Variants in FGGY observed in about 807,000 individuals in gnomAD.
FGGY encodes the protein FGGY carbohydrate kinase domain containing, also known as FGGY carbohydrate kinase domain-containing protein.
A neutral mutation model predicts 71.3 loss-of-function variants in FGGY; 72 were observed. That is an observed-to-expected ratio of 1.01 (90% confidence interval 0.84 to 1.23). The LOEUF is 1.23. FGGY is among the 50% of genes most tolerant of loss of function. FGGY has a pLI of 0.00. For missense variants in FGGY, 668 were observed against 682.3 expected, an observed-to-expected ratio of 0.98 and a Z score of 0.23; for synonymous variants, 251 against 250.3, an observed-to-expected ratio of 1.00 and a Z score of -0.02.
At chr1:59,706,011 A>G (rs375183918) in intron 14 of FGGY, among the ~76,000 whole-genome samples, 4 of 152,196 alleles carry the variant, frequency 2.6e-5, no homozygotes, top group African/African-American at 7.2e-5. Flanking sequence ...CCATTGCTCA[A>G]TGCTGGAAAA....
chr1:59,601,613 T>C (rs1471848565), intron 8 of FGGY, among the ~76,000 whole-genome samples: 1 of 152,120 alleles, frequency 6.6e-6, no homozygotes, highest in African/African-American at 2.4e-5. Flanking sequence ...TAACTCTAAG[T>C]CTGAATGCAA....
intron 5 of FGGY, among the ~76,000 whole-genome samples, chr1:59,445,393 T>C (rs1466734222): frequency 6.6e-6 from 1 of 152,210 alleles, no homozygotes; most frequent in Admixed American, 6.5e-5. Context: ...AGCCTAATCA[T>C]CCTCTTGACA....
chr1:59,628,115 A>T (rs2096876517), intron 10 of FGGY, among the ~76,000 whole-genome samples: 1 of 152,220 alleles, frequency 6.6e-6, no homozygotes, highest in Non-Finnish European at 1.5e-5. Flanking sequence ...GGATTTCAGT[A>T]CAAGATACTG....
At chr1:59,427,869 T>C (rs2066664520) in intron 5 of FGGY, among the ~76,000 whole-genome samples, 2 of 152,128 alleles carry the variant, frequency 1.3e-5, no homozygotes, top group South Asian at 4.1e-4. Flanking sequence ...ATAGGGGACC[T>C]TTAGCCAGTC....
At position 59,584,493 on chromosome 1, in the gene FGGY, T is replaced by TAA. The variant is rs1262086079; in HGVS notation, c.904-23308_904-23307dup. Reference sequence around the variant, plus strand: ...AACGCTTCATGCTAAAAACTCTCAATAAATTAGGTATTGATGGGACGTATC... The same window carrying TAA: ...AACGCTTCATGCTAAAAACTCTCAATAAAAATTAGGTATTGATGGGACGTATC... On this transcript the variant is annotated intron_variant, in intron 8 of 15. Coordinates refer to ENST00000303721, the MANE Select transcript of FGGY (RefSeq NM_018291.5). Among the ~76,000 whole-genome samples, 7 of 149,938 alleles carry TAA rather than the reference T, an allele frequency of 4.7e-5. 1 individual carries two copies. The highest frequency in any genetic ancestry group is 1.8e-4 in the African/African-American group (7 of 39,686).
intron 10 of FGGY, among the ~76,000 whole-genome samples, chr1:59,627,851 G>A (rs975891994): frequency 2.6e-5 from 4 of 152,084 alleles, no homozygotes; most frequent in South Asian, 2.1e-4. Context: ...CAGTAATAGC[G>A]TAAAGTAAGT....
chr1:59,409,468 C>T (rs1312617379), intron 5 of FGGY, among the ~76,000 whole-genome samples: 16 of 152,070 alleles, frequency 1.1e-4, no homozygotes, highest in South Asian at 2.1e-4. Flanking sequence ...AAGGAGGCTT[C>T]GGGAGTTTCC....
At chr1:59,655,055 G>A (rs1313289002) in intron 11 of FGGY, among the ~76,000 whole-genome samples, 1 of 151,616 alleles carries the variant, frequency 6.6e-6, no homozygotes, top group Non-Finnish European at 1.5e-5. Context: ...CAGCGCTGAT[G>A]AGCAACTTCT....
At chr1:59,299,693 A>C (rs534436226) in intron 1 of FGGY, among the ~76,000 whole-genome samples, 27 of 74,092 alleles carry the variant, frequency 3.6e-4, no homozygotes, top group East Asian at 3.1e-3. Context: ...ACACCTGGAC[A>C]AGGGTGGGGG....
In FGGY at chr1:59,662,403, C is replaced by T. The variant is rs151002977; in HGVS notation, c.1296+2110C>T. On this transcript the variant is annotated intron_variant, in intron 12 of 15. Coordinates refer to ENST00000303721, the MANE Select transcript of FGGY (RefSeq NM_018291.5). ...ACACACACCTGATTTAACCTTACTA[C>T]GTAGATATTATAATTCCTATTCCAC... is the stretch of plus-strand genomic sequence containing the variant. Among the ~76,000 whole-genome samples the T allele has an allele frequency of 5.5e-4, 84 of 151,906 alleles. 1 individual carries two copies. Among genetic ancestry groups the T allele is most frequent in the African/African-American group, 1.9e-3 (80 of 41,450 alleles).
At chr1:59,540,041 A>C (rs1332287450) in intron 7 of FGGY, among the ~76,000 whole-genome samples, 2 of 152,236 alleles carry the variant, frequency 1.3e-5, no homozygotes, top group Non-Finnish European at 2.9e-5. Context: ...GTCATTAGGA[A>C]AGTCCAAATT....
chr1:59,644,668 T>C (rs1291338370), intron 11 of FGGY, among the ~76,000 whole-genome samples: 4 of 148,262 alleles, frequency 2.7e-5, no homozygotes, highest in Admixed American at 1.4e-4. Flanking sequence ...GAAAATGACA[T>C]GGTCACACAT....
At chr1:59,655,899 GT>G (rs1201828379) in intron 11 of FGGY, among the ~76,000 whole-genome samples, 1 of 152,090 alleles carries the variant, frequency 6.6e-6, no homozygotes, top group Non-Finnish European at 1.5e-5. Context: ...TAGAGAAAAT[GT>G]CAATATTTAA....
chr1:59,604,579 C>T (rs1347922848), intron 8 of FGGY, among the ~76,000 whole-genome samples: 1 of 152,218 alleles, frequency 6.6e-6, no homozygotes, highest in East Asian at 1.9e-4. Context: ...GATGCAGTAA[C>T]ATCCCCAAAT....
chr1:59,343,116 G>C (rs901427692), intron 3 of FGGY, among the ~76,000 whole-genome samples: 1 of 152,114 alleles, frequency 6.6e-6, no homozygotes, highest in African/African-American at 2.4e-5. Flanking sequence ...TTATGACCTA[G>C]TCTCCTCTGT....
intron 4 of FGGY, among the ~76,000 whole-genome samples, chr1:59,372,514 AT>A (rs2057857247): frequency 6.6e-6 from 1 of 152,206 alleles, no homozygotes; most frequent in African/African-American, 2.4e-5. Flanking sequence ...TTCTGAAACT[AT>A]TCCAATCAAT....
chr1:59,730,526 A>C (rs2100904717), intron 14 of FGGY, among the ~76,000 whole-genome samples: 1 of 152,308 alleles, frequency 6.6e-6, no homozygotes, highest in African/African-American at 2.4e-5. Flanking sequence ...GCCAATAAAT[A>C]GTTGCTAATA....
intron 11 of FGGY, among the ~76,000 whole-genome samples, chr1:59,642,960 G>T (rs560389712): frequency 1.3e-5 from 2 of 151,148 alleles, no homozygotes; most frequent in Admixed American, 6.6e-5. Flanking sequence ...GCGAGAACCT[G>T]GGGGGTGGAG....
chr1:59,752,314 T>G lies in FGGY; in HGVS notation c.1513-5617T>G, dbSNP rs144031534. Reference sequence around the variant, plus strand: ...TAAGTGCTAGGACTGTGCTAGACATTAGGCCTACAGTGATGTGATTTCTGC... The same window carrying G: ...TAAGTGCTAGGACTGTGCTAGACATGAGGCCTACAGTGATGTGATTTCTGC... On this transcript the variant is annotated intron_variant, in intron 14 of 15. Transcript: ENST00000303721. Among the ~76,000 whole-genome samples the G allele has an allele frequency of 4.5e-4, 69 of 152,306 alleles. No individual in the cohort carries two copies. In the East Asian group the frequency reaches 7.7e-3, roughly 17 times the overall value.
Sources: gnomAD v4.1 joint callset for allele counts (sites outside exome capture counted in the v4.1 genomes callset) on GRCh38, gnomAD v4.1.1 for gene constraint, MANE v1.5 for transcripts, NCBI Gene and HGNC (gene_info 2026-07-23, HGNC 2026-07-21) for gene names.